CDH13: variants seen among roughly 807,000 people sequenced by gnomAD.
CDH13 encodes cadherin 13, also known as cadherin-13.
CDH13 carries 24 observed loss-of-function variants against 63.8 expected under a neutral mutation model. The ratio of observed to expected loss-of-function variants is 0.38; its 90% CI spans 0.27 to 0.53. CDH13 has a LOEUF of 0.53. Ranked by LOEUF, CDH13 falls within the 20% of genes least tolerant of loss-of-function variation. The probability of loss-of-function intolerance (pLI) is 0.85; values close to 1 mark genes in which losing one functional copy is unlikely to be tolerated. For missense variants in CDH13, 1,049 were observed against 903.1 expected, an observed-to-expected ratio of 1.16 and a Z score of -2.07; for synonymous variants, 503 against 355.3, an observed-to-expected ratio of 1.42 and a Z score of -4.67.
intron 10 of CDH13, among the ~76,000 whole-genome samples, chr16:83,702,243 C>A (rs936519897): frequency 6.6e-6 from 1 of 152,172 alleles, no homozygotes; most frequent in African/African-American, 2.4e-5. Flanking sequence ...TTTGTAATTG[C>A]TCATGAGTGT....
chr16:82,847,527 TC>T (rs2039312264), intron 1 of CDH13, among the ~76,000 whole-genome samples: 1 of 152,232 alleles, frequency 6.6e-6, no homozygotes. Flanking sequence ...TCTTATCCTT[TC>T]TTCCATTTTC....
rs1909827734 is a variant in CDH13, at chr16:82,644,424, T to C, written c.45+17287T>C. On this transcript the variant is annotated intron_variant, in intron 1 of 13. Transcript: ENST00000567109. This position sits in a 1 kb window ranked among gnomAD's most constrained non-coding sequence, Gnocchi z 5.7. The stretch of plus-strand genomic sequence containing the variant: ...CTTAACCATGGAACGTACTCCTGTC[T>C]GCCCTCACTCGTGGGTTGATGATTT... Among the ~76,000 whole-genome samples, 1 of 152,180 alleles carries C rather than the reference T, an allele frequency of 6.6e-6. No homozygotes were observed. The highest frequency in any genetic ancestry group is 2.1e-4 in the South Asian group (1 of 4,826).
chr16:83,723,914 G>A (rs1013784290), intron 10 of CDH13, among the ~76,000 whole-genome samples: 4 of 152,214 alleles, frequency 2.6e-5, no homozygotes, highest in African/African-American at 4.8e-5. Context: ...ATGGATACAT[G>A]AATTGATGGA....
At position 83,592,921 on chromosome 16, in the gene CDH13, A is replaced by G. The variant is rs61708700; in HGVS notation, c.961-9533A>G. The stretch of plus-strand genomic sequence containing the variant: ...CTGCTGCCTGGGAAGATGGAAGAAC[A>G]TCGCTCGACCTCTGCAGTGGGAATA... On this transcript the variant is annotated intron_variant, in intron 7 of 13. Coordinates refer to ENST00000567109, the MANE Select transcript of CDH13 (RefSeq NM_001257.5). 6.6e-3 allele frequency among the ~76,000 whole-genome samples: 1,008 copies of G among 152,332 alleles called. 12 individuals carry two copies. The highest frequency in any genetic ancestry group is 0.023 in the African/African-American group (939 of 41,572).
chr16:83,684,429 G>A (rs1001449684), intron 10 of CDH13, among the ~76,000 whole-genome samples: 1 of 152,122 alleles, frequency 6.6e-6, no homozygotes, highest in African/African-American at 2.4e-5. Flanking sequence ...AACTACATTT[G>A]CTAAACCTTC....
At chr16:83,207,005 A>G (rs950460903) in intron 4 of CDH13, among the ~76,000 whole-genome samples, 1 of 152,256 alleles carries the variant, frequency 6.6e-6, no homozygotes, top group Non-Finnish European at 1.5e-5. Context: ...GGAAAGCAAC[A>G]TAAAAGCAAG....
At chr16:82,714,179 G>A (rs769499050) in intron 1 of CDH13, among the ~76,000 whole-genome samples, 7 of 152,124 alleles carry the variant, frequency 4.6e-5, no homozygotes, top group Non-Finnish European at 1.0e-4. Context: ...CATAAAGGCA[G>A]CTTCTCTGCT....
chr16:83,430,814 C>T (rs2072076332), intron 6 of CDH13, among the ~76,000 whole-genome samples: 1 of 152,002 alleles, frequency 6.6e-6, no homozygotes, highest in African/African-American at 2.4e-5. Context: ...TTAATCTACA[C>T]ACCAGTTCTT....
chr16:82,946,932 A>G (rs1274560818), intron 2 of CDH13, among the ~76,000 whole-genome samples: 1 of 152,106 alleles, frequency 6.6e-6, no homozygotes, highest in Non-Finnish European at 1.5e-5. Context: ...AAAGGATGCC[A>G]TAACAGATTG....
chr16:83,644,649 C>T (rs996368233), intron 8 of CDH13, among the ~76,000 whole-genome samples: 5 of 152,216 alleles, frequency 3.3e-5, no homozygotes, highest in Non-Finnish European at 7.3e-5. Context: ...TGCAAATGGG[C>T]TGCCATACAG....
chr16:83,078,045 A>C (rs1415121254), intron 3 of CDH13, among the ~76,000 whole-genome samples: 4 of 152,172 alleles, frequency 2.6e-5, no homozygotes, highest in African/African-American at 9.7e-5. Context: ...GCTTGGCTAA[A>C]GTCAAACTTG....
intron 5 of CDH13, among the ~76,000 whole-genome samples, chr16:83,251,089 C>T (rs951611346): frequency 2.0e-5 from 3 of 151,958 alleles, no homozygotes; most frequent in Non-Finnish European, 2.9e-5. Context: ...AGCCACAACC[C>T]AGGAACTTCC....
intron 7 of CDH13, among the ~76,000 whole-genome samples, chr16:83,513,574 C>A (rs936089150): frequency 1.3e-5 from 2 of 152,146 alleles, no homozygotes; most frequent in African/African-American, 4.8e-5. Flanking sequence ...GGAAAGTCAA[C>A]CGTCCTTCTT....
chr16:83,554,629 A>G (rs1238001023), intron 7 of CDH13, among the ~76,000 whole-genome samples: 26 of 152,150 alleles, frequency 1.7e-4, no homozygotes, highest in Non-Finnish European at 1.5e-5. Flanking sequence ...AACTGTCACA[A>G]AAGACTGCAA....
chr16:82,642,091 CAAAAAA>C (rs373359175), intron 1 of CDH13, among the ~76,000 whole-genome samples: 1 of 110,476 alleles, frequency 9.1e-6, no homozygotes, highest in Non-Finnish European at 1.8e-5. Flanking sequence ...TCATGGAGGG[CAAAAAA>C]AAAAAAAAAA....
intron 1 of CDH13, among the ~76,000 whole-genome samples, chr16:82,817,942 T>A (rs1295291937): frequency 1.3e-5 from 1 of 79,188 alleles, no homozygotes; most frequent in African/African-American, 4.1e-5. Flanking sequence ...TAATTATAAA[T>A]GCATGTATAT....
chr16:82,795,376 C>T lies in CDH13; in HGVS notation c.46-62986C>T, dbSNP rs112800011. On this transcript the variant is annotated intron_variant, in intron 1 of 13. Coordinates refer to ENST00000567109, the MANE Select transcript of CDH13 (RefSeq NM_001257.5). Reference sequence around the variant, plus strand: ...CAACCTAAACAAAGGAGAGGCACAGCAAGGTGAGAAGCTTCAAAAGGCAGT... The same window carrying T: ...CAACCTAAACAAAGGAGAGGCACAGTAAGGTGAGAAGCTTCAAAAGGCAGT... 2.7e-3 allele frequency among the ~76,000 whole-genome samples: 407 copies of T among 152,288 alleles called. 1 individual carries two copies. The highest frequency in any genetic ancestry group is 9.4e-3 in the African/African-American group (391 of 41,558).
intron 6 of CDH13, among the ~76,000 whole-genome samples, chr16:83,461,564 T>A (rs996182747): frequency 6.6e-6 from 1 of 152,152 alleles, no homozygotes; most frequent in African/African-American, 2.4e-5. Flanking sequence ...AATATTGGGG[T>A]CTTAGTTGAC....
chr16:83,073,441 C>T (rs1052515352), intron 3 of CDH13, among the ~76,000 whole-genome samples: 45 of 150,826 alleles, frequency 3.0e-4, no homozygotes, highest in African/African-American at 1.1e-3. Flanking sequence ...GAATCTTGAC[C>T]TTTTTCTGTA....
Sources: gnomAD v4.1 joint callset for allele counts (sites outside exome capture counted in the v4.1 genomes callset) on GRCh38, gnomAD v4.1.1 for gene constraint, Gnocchi (gnomAD v3.1) non-coding constraint, MANE v1.5 for transcripts, NCBI Gene and HGNC (gene_info 2026-07-23, HGNC 2026-07-21) for gene names.